The following RBFOX1 variants were observed in gnomAD, a reference collection of about 807,000 sequenced individuals.
The protein encoded by RBFOX1 is RNA binding fox-1 homolog 1.
A neutral mutation model predicts 57.7 loss-of-function variants in RBFOX1; 8 were observed. The ratio of observed to expected loss-of-function variants is 0.14; its 90% CI spans 0.08 to 0.25. The LOEUF is 0.25. RBFOX1 is among the 10% of genes least tolerant of loss of function. The pLI is 1.00. For synonymous variants in RBFOX1, 326 were observed against 222.4 expected (o/e 1.47, Z -4.15); for missense variants, 611 against 548.5 (o/e 1.11, Z -1.14).
intron 3 of RBFOX1, among the ~76,000 whole-genome samples, chr16:5,639,487 T>A (rs1771084842): frequency 6.6e-6 from 1 of 152,120 alleles, no homozygotes; most frequent in African/African-American, 2.4e-5. Flanking sequence ...CTCGGAACAC[T>A]GGGTCCATGT....
intron 1 of RBFOX1, among the ~76,000 whole-genome samples, chr16:6,207,085 T>G (rs1461198819): frequency 1.5e-4 from 23 of 152,088 alleles, no homozygotes. Context: ...CAGCACACAT[T>G]TTAGCTATGA....
chr16:7,392,328 A>T (rs1215133023), intron 4 of RBFOX1, among the ~76,000 whole-genome samples: 2 of 152,180 alleles, frequency 1.3e-5, no homozygotes, highest in African/African-American at 4.8e-5. Flanking sequence ...CCAAAATTAT[A>T]ATGAATATAT....
intron 2 of RBFOX1, among the ~76,000 whole-genome samples, chr16:6,329,627 C>G (rs1371976290): frequency 1.3e-5 from 2 of 152,144 alleles, no homozygotes; most frequent in Non-Finnish European, 2.9e-5. Flanking sequence ...TTTACAACTC[C>G]ACTTCTTCAA....
At chr16:6,882,169 C>G (rs1171168457) in intron 3 of RBFOX1, among the ~76,000 whole-genome samples, 2 of 152,104 alleles carry the variant, frequency 1.3e-5, no homozygotes, top group African/African-American at 2.4e-5. Context: ...AATTCTGTCT[C>G]TAGCTTCTCT....
intron 2 of RBFOX1, among the ~76,000 whole-genome samples, chr16:6,612,971 C>G (rs144947719): frequency 1.3e-5 from 2 of 151,504 alleles, no homozygotes; most frequent in Admixed American, 6.6e-5. Flanking sequence ...AGTTCACGTG[C>G]CAAGTGAGAG....
chr16:7,110,989 CTTCA>C (rs1159241259), intron 4 of RBFOX1, among the ~76,000 whole-genome samples: 1 of 152,082 alleles, frequency 6.6e-6, no homozygotes, highest in Non-Finnish European at 1.5e-5. Flanking sequence ...GGAAAGAAGT[CTTCA>C]TTTGTTTGTT....
chr16:6,496,274 A>G (rs967946083), intron 2 of RBFOX1, among the ~76,000 whole-genome samples: 1 of 152,170 alleles, frequency 6.6e-6, no homozygotes, highest in Non-Finnish European at 1.5e-5. Flanking sequence ...TCTGAAAGGA[A>G]ATGGTGGTGT....
chr16:7,585,271 C>T (rs1481280565), intron 6 of RBFOX1, among the ~76,000 whole-genome samples: 2 of 152,108 alleles, frequency 1.3e-5, no homozygotes, highest in Non-Finnish European at 2.9e-5. Context: ...TTCATTTCCC[C>T]AATCTGAATG....
In RBFOX1 at chr16:6,452,299, C is replaced by T. The variant is rs752489951; in HGVS notation, c.-64+135242C>T. Among the ~76,000 whole-genome samples the T allele has an allele frequency of 4.6e-5, 7 of 151,188 alleles. 1 individual carries two copies. The highest frequency in any genetic ancestry group is 8.9e-5 in the Non-Finnish European group (6 of 67,776). ...CCTTCCATGACTCCATCCATGGCTG[C>T]ATCCTTTCATGACTCTATCCATGGT... On this transcript the variant is annotated intron_variant, in intron 2 of 15. Coordinates refer to ENST00000550418, the MANE Select transcript of RBFOX1 (RefSeq NM_018723.4).
chr16:5,870,748 C>T (rs1330183082), intron 4 of RBFOX1, among the ~76,000 whole-genome samples: 2 of 151,720 alleles, frequency 1.3e-5, no homozygotes, highest in Non-Finnish European at 2.9e-5. Flanking sequence ...TTCATCAAAA[C>T]AAGCGATCAC....
intron 1 of RBFOX1, among the ~76,000 whole-genome samples, chr16:6,091,444 C>A (rs1567433851): frequency 6.6e-6 from 1 of 152,298 alleles, no homozygotes; most frequent in African/African-American, 2.4e-5. Context: ...ACAGGATTTT[C>A]TACTTTTTTA....
At chr16:5,581,657 G>C (rs1256594166) in intron 2 of RBFOX1, among the ~76,000 whole-genome samples, 1 of 152,176 alleles carries the variant, frequency 6.6e-6, no homozygotes, top group Non-Finnish European at 1.5e-5. Context: ...GGATGTGTAG[G>C]AGTTAAGTTG....
At chr16:7,518,541 T>A in intron 5 of RBFOX1, 152 bp downstream of exon 5, 1 of 978,296 alleles carries the variant, frequency 1.0e-6, no homozygotes, top group South Asian at 2.5e-5. Flanking sequence ...TCCTGAAGTT[T>A]ACCTCATTTC....
intron 1 of RBFOX1, among the ~76,000 whole-genome samples, chr16:6,240,743 T>C (rs1419069352): frequency 6.6e-6 from 1 of 152,210 alleles, no homozygotes; most frequent in African/African-American, 2.4e-5. Context: ...ACTGACGTCT[T>C]GGCTACTTAC....
chr16:6,611,380 C>T lies in RBFOX1; in HGVS notation c.-63-43223C>T, dbSNP rs1373758871. Among the ~76,000 whole-genome samples the T allele has an allele frequency of 3.3e-5, 5 of 152,278 alleles. No homozygotes were observed. The South Asian group carries it at 1.0e-3, about 32-fold the overall frequency. Reference sequence around the variant, plus strand: ...CAGGCTGATCTCAAACTCCTGACCTCAGGTGATCCATCTGCCTCAGCCTCC... The same window carrying T: ...CAGGCTGATCTCAAACTCCTGACCTTAGGTGATCCATCTGCCTCAGCCTCC... On this transcript the variant is annotated intron_variant, in intron 2 of 15. Transcript: ENST00000550418.
At chr16:6,936,239 G>A (rs922403975) in intron 3 of RBFOX1, among the ~76,000 whole-genome samples, 2 of 152,184 alleles carry the variant, frequency 1.3e-5, no homozygotes, top group African/African-American at 2.4e-5. Context: ...TAAATTAAGG[G>A]ATGCTGGATA....
rs546490719 is a variant in RBFOX1, at chr16:6,473,747, G to T, written c.-64+156690G>T. ...AAATTTTATAGTAGATAAATAAAGG[G>T]ACAGCTTCAGATATGGCCTGGCTAG... On this transcript the variant is annotated intron_variant, in intron 2 of 15. Coordinates refer to ENST00000550418, the MANE Select transcript of RBFOX1 (RefSeq NM_018723.4). Among the ~76,000 whole-genome samples, 15 of 152,302 alleles carry T rather than the reference G, an allele frequency of 9.8e-5. No individual in the cohort carries two copies. In the South Asian group the frequency reaches 3.1e-3, roughly 32 times the overall value.
chr16:6,966,860 C>A (rs148548886), intron 3 of RBFOX1, among the ~76,000 whole-genome samples: 1 of 151,444 alleles, frequency 6.6e-6, no homozygotes, highest in Non-Finnish European at 1.5e-5. Context: ...TCTATCCACA[C>A]ATCCATCTAT....
intron 4 of RBFOX1, among the ~76,000 whole-genome samples, chr16:7,378,918 A>C (rs1224106975): frequency 6.6e-6 from 1 of 152,240 alleles, no homozygotes; most frequent in Non-Finnish European, 1.5e-5. Flanking sequence ...CTGTTTCACC[A>C]GAAGACACAA....
Sources: allele counts gnomAD v4.1 joint callset (sites outside exome capture counted in the v4.1 genomes callset), GRCh38; gene constraint gnomAD v4.1.1; transcripts MANE v1.5; gene names NCBI Gene and HGNC (gene_info 2026-07-23, HGNC 2026-07-21).